Variants in SEC24B observed in about 807,000 individuals in gnomAD.
SEC24B encodes protein transport protein Sec24B.
Under a neutral mutation model 142.8 loss-of-function variants are expected in SEC24B, and 45 were observed. That is an observed-to-expected ratio of 0.32 (90% CI 0.25 to 0.40). The LOEUF is 0.40. SEC24B is among the 10% of genes least tolerant of loss of function. SEC24B has a pLI of 1.00. For missense variants in SEC24B, 1,409 were observed against 1,526.8 expected (o/e 0.92, Z 1.29); for synonymous variants, 574 against 568.2 (o/e 1.01, Z -0.15).
At chr4:109,479,342 T>A (rs1399271051) in intron 3 of SEC24B, among the ~76,000 whole-genome samples, 1 of 152,184 alleles carries the variant, frequency 6.6e-6, no homozygotes, top group Admixed American at 6.5e-5. Context: ...TCCATGTACA[T>A]ACATTTCTAC....
Position 109,532,722 on chromosome 4 carries a change from T to C in SEC24B, c.3474T>C (p.Ala1158=), listed in dbSNP as rs1725065889. Residue 1158 remains alanine (A), a synonymous_variant, in exon 21 of 24, where the codon GCT becomes GCC. Coordinates refer to ENST00000265175, the MANE Select transcript of SEC24B (RefSeq NM_006323.5). ...CAGAGAAGCTGACAAGAGAAGGTGCTTTCCTTATGGACTGTGGCTCTGTAA... is the reference window on the plus strand; with the variant it reads ...CAGAGAAGCTGACAAGAGAAGGTGCCTTCCTTATGGACTGTGGCTCTGTAA... ...LSAEKLTREG[A]FLMDCGSVFY... 6.3e-7 allele frequency: 1 copy of C among 1,594,722 alleles called. No homozygotes were observed.
At position 109,521,170 on chromosome 4, in the gene SEC24B, G is replaced by C. The variant is rs749522900; in HGVS notation, c.2299G>C (p.Glu767Gln). The change falls in exon 13 of 24, where the codon GAG becomes CAG. Residue 767 changes from glutamate (E) to glutamine (Q), a missense_variant and splice_region_variant. Transcript: ENST00000265175. ...SLLVNLYESK[E>Q]LIKDLLNALP... ...ACTTGTGAATCTATATGAAAGTAAA[G>C]AGGTAAGATTGATTTATTTTCTTAA... The C allele has an allele frequency of 6.7e-7, 1 of 1,494,514 alleles. No homozygotes were observed. The highest frequency in any genetic ancestry group is 9.3e-7 in the Non-Finnish European group (1 of 1,079,306). 92.6% of individuals were successfully genotyped at this position (1,494,514 alleles called of 1,614,324 possible).
At chr4:109,496,117 T>A (rs891828020) in intron 6 of SEC24B, among the ~76,000 whole-genome samples, 4 of 142,286 alleles carry the variant, frequency 2.8e-5, no homozygotes, top group Admixed American at 2.8e-4. Flanking sequence ...AGGGAAACAA[T>A]TTTTTTTTTT....
At chr4:109,447,531 T>C (rs978680511) in intron 1 of SEC24B, among the ~76,000 whole-genome samples, 1 of 152,172 alleles carries the variant, frequency 6.6e-6, no homozygotes, top group Non-Finnish European at 1.5e-5. Context: ...ACAGTATTTT[T>C]TTCCCACCAG....
intron 1 of SEC24B, among the ~76,000 whole-genome samples, chr4:109,453,440 G>GGCCCCC (rs1730322674): frequency 2.4e-5 from 1 of 41,078 alleles, no homozygotes; most frequent in Non-Finnish European, 4.4e-5. Context: ...GCCATTTTAG[G>GGCCCCC]CCCCCCCCCC....
intron 21 of SEC24B, among the ~76,000 whole-genome samples, 199 bp downstream of exon 21, chr4:109,532,942 A>T (rs1197796675): frequency 6.6e-6 from 1 of 152,180 alleles, no homozygotes; most frequent in Non-Finnish European, 1.5e-5. Context: ...GATGTTATTG[A>T]TATTTGTATT....
intron 23 of SEC24B, 88 bp downstream of exon 23, chr4:109,538,684 G>C (rs1725827012): frequency 1.4e-6 from 1 of 735,818 alleles, no homozygotes; most frequent in Non-Finnish European, 2.4e-6. Flanking sequence ...TTAAATAGTA[G>C]CAAAATATAT....
rs1289615303 is a variant in SEC24B at position 109,511,978 on chromosome 4, A to G, written c.1798A>G (p.Asn600Asp). ...CTAGCAATTACCAGTGATAACATCAAATACCATTGTGAGGTGCCGATCCTG... is the reference window on the plus strand; with the variant it reads ...CTAGCAATTACCAGTGATAACATCAGATACCATTGTGAGGTGCCGATCCTG... The part of the protein sequence containing the change: ...DLTQLPVITS[N>D]TIVRCRSCRT... The change falls in exon 9 of 24, where the codon AAT becomes GAT. Residue 600 changes from asparagine (N) to aspartate (D), a missense_variant. This residue lies in a region of SEC24B where 700 missense variants were observed against 853.3 expected (regional missense o/e 0.82). Transcript: ENST00000265175. 4.3e-6 allele frequency: 7 copies of G among 1,613,596 alleles called. No individual in the cohort carries two copies. Among genetic ancestry groups the G allele is most frequent in the South Asian group, 2.2e-5 (2 of 90,854 alleles).
chr4:109,534,060 T>C (rs13128124), intron 22 of SEC24B, among the ~76,000 whole-genome samples: 26,091 of 151,418 alleles, frequency 0.17, 2,449 homozygotes, highest in African/African-American at 0.26. Flanking sequence ...TTTTTTTTTT[T>C]TAGACAGAGT....
At chr4:109,513,041 C>T (rs188928135) in intron 9 of SEC24B, among the ~76,000 whole-genome samples, 146 of 145,490 alleles carry the variant, frequency 1.0e-3, no homozygotes, top group Non-Finnish European at 1.8e-3. Flanking sequence ...GTGGTGCGAT[C>T]TCAGCTCACT....
chr4:109,507,052 C>T (rs1460651184), intron 7 of SEC24B, among the ~76,000 whole-genome samples: 1 of 152,096 alleles, frequency 6.6e-6, no homozygotes, highest in Non-Finnish European at 1.5e-5. Flanking sequence ...AGCTGGCAGA[C>T]TGCACTGGCA....
chr4:109,470,505 A>G (rs1732401452), intron 2 of SEC24B, among the ~76,000 whole-genome samples: 1 of 152,196 alleles, frequency 6.6e-6, no homozygotes, highest in African/African-American at 2.4e-5. Context: ...TTCTAGGCCA[A>G]AGACCTCATT....
rs759984821 is a variant in SEC24B, at chr4:109,463,263, T to C, written c.496T>C (p.Ser166Pro). Reference protein sequence around the residue: ...VNHYNSPAMYSASSSVASQGF... With the variant: ...VNHYNSPAMYPASSSVASQGF... ...TCACTACAATAGTCCAGCCATGTAC[T>C]CTGCCAGCTCTTCTGTTGCGTCTCA... The change falls in exon 2 of 24, where the codon TCT becomes CCT. Residue 166 changes from serine to proline, a missense_variant. By Grantham distance (74) the Ser-to-Pro change is moderately conservative (BLOSUM62 -1). Coordinates refer to ENST00000265175, the MANE Select transcript of SEC24B (RefSeq NM_006323.5). 1 of 1,614,200 alleles carries C rather than the reference T, an allele frequency of 6.2e-7. No individual in the cohort carries two copies. Among genetic ancestry groups the C allele is most frequent in the Middle Eastern group, 1.6e-4 (1 of 6,062 alleles).
chr4:109,512,234 G>C, intron 9 of SEC24B, 151 bp downstream of exon 9: 2 of 698,564 alleles, frequency 2.9e-6, no homozygotes, highest in Non-Finnish European at 4.6e-6. Flanking sequence ...GCTAGGACTA[G>C]GGATTCTTCA....
At chr4:109,531,748 G>A (rs750482267) in intron 20 of SEC24B, among the ~76,000 whole-genome samples, 37 of 152,284 alleles carry the variant, frequency 2.4e-4, no homozygotes, top group South Asian at 1.0e-3. Context: ...TTTCATATCA[G>A]AAGTAATTTG....
At chr4:109,520,217 A>G (rs899786305) in intron 11 of SEC24B, 149 bp from the exon 12 acceptor site, 8 of 577,342 alleles carry the variant, frequency 1.4e-5, no homozygotes, top group South Asian at 4.4e-5. Flanking sequence ...TCTCTGATAT[A>G]TATTTGTTTA....
chr4:109,513,096 T>C (rs994722372), intron 9 of SEC24B, among the ~76,000 whole-genome samples: 1 of 148,780 alleles, frequency 6.7e-6, no homozygotes, highest in African/African-American at 2.5e-5. Context: ...TGCCTCAGCC[T>C]CCCGAGTAGC....
At chr4:109,456,118 A>G (rs894757871) in intron 1 of SEC24B, among the ~76,000 whole-genome samples, 1 of 152,086 alleles carries the variant, frequency 6.6e-6, no homozygotes, top group Non-Finnish European at 1.5e-5. Flanking sequence ...ACATCTAAGT[A>G]CTTCTTTTTG....
Position 109,525,340 on chromosome 4 carries a change from C to T in SEC24B, c.2633-6C>T, listed in dbSNP as rs773918692. 51 of 1,575,146 alleles carry T rather than the reference C, an allele frequency of 3.2e-5. No individual in the cohort carries two copies. The Admixed American group carries it at 9.3e-4, about 29-fold the overall frequency. On this transcript the variant is annotated splice_region_variant and splice_polypyrimidine_tract_variant and intron_variant, in intron 15 of 23. Coordinates refer to ENST00000265175, the MANE Select transcript of SEC24B (RefSeq NM_006323.5). ...TAGCTAATACTTTTTGTATTTCTCT[C>T]TAAAGCTTGCATGTCCAAGTATTCT...
Sources: allele counts gnomAD v4.1 joint callset (sites outside exome capture counted in the v4.1 genomes callset), GRCh38; gene constraint gnomAD v4.1.1; regional missense constraint gnomAD v4.1.1; transcripts MANE v1.5; gene names NCBI Gene and HGNC (gene_info 2026-07-23, HGNC 2026-07-21).